RELN: variants seen among roughly 807,000 people sequenced by gnomAD.
RELN encodes reelin.
Under a neutral mutation model 427.6 loss-of-function variants are expected in RELN, and 108 were observed. The observed-to-expected ratio is 0.25, with a 90% CI of 0.22 to 0.30. The LOEUF (loss-of-function observed/expected upper bound fraction) is 0.30. Ranked by LOEUF, RELN falls within the 10% of genes least tolerant of loss-of-function variation. The pLI is 1.00. For synonymous variants in RELN, 1,524 were observed against 1,513.4 expected (o/e 1.01, Z -0.16); for missense variants, 3,715 against 4,302.8 (o/e 0.86, Z 3.82).
intron 49 of RELN, among the ~76,000 whole-genome samples, chr7:103,515,654 G>T (rs1291291644): frequency 1.3e-5 from 2 of 152,226 alleles, no homozygotes; most frequent in African/African-American, 4.8e-5. Flanking sequence ...AATGTGAACA[G>T]ATTCAAGTAT....
intron 3 of RELN, among the ~76,000 whole-genome samples, chr7:103,825,225 T>C (rs1169346940): frequency 1.3e-5 from 2 of 152,002 alleles, no homozygotes; most frequent in Non-Finnish European, 2.9e-5. Context: ...ATCTAAAATC[T>C]TGTAGCAGGG....
At chr7:103,903,275 T>G (rs541408715) in intron 2 of RELN, among the ~76,000 whole-genome samples, 14 of 100,290 alleles carry the variant, frequency 1.4e-4, no homozygotes, top group African/African-American at 5.4e-4. Flanking sequence ...TTCCTAAGTG[T>G]TTTTTTTTTT....
chr7:103,489,836 G>C lies in RELN; in HGVS notation c.9669C>G (p.Asp3223Glu), dbSNP rs1442238479. 1.9e-6 allele frequency: 3 copies of C among 1,614,070 alleles called. No homozygotes were observed. The highest frequency in any genetic ancestry group is 2.5e-6 in the Non-Finnish European group (3 of 1,180,054). ...GGCAAGCCTCTCCAATGTACACGTG[G>C]TCAATTGCCCAGCTTTGCTTCTCAG... ...EETEKQSWAI[D>E]HVYIGEACPK... Residue 3223 changes from aspartate to glutamate, a missense_variant, in exon 60 of 65, where the codon GAC becomes GAG. This residue lies in a region of RELN where 1,310 missense variants were observed against 1,643.0 expected (regional missense o/e 0.80). Transcript: ENST00000428762.
chr7:103,480,177 GTTAA>G (rs1183590109), intron 63 of RELN, among the ~76,000 whole-genome samples: 1 of 152,128 alleles, frequency 6.6e-6, no homozygotes, highest in Non-Finnish European at 1.5e-5. Flanking sequence ...CAAAAATGCA[GTTAA>G]TTAAGAGAAT....
chr7:103,675,524 T>C (rs1309477229), intron 11 of RELN, among the ~76,000 whole-genome samples: 1 of 152,120 alleles, frequency 6.6e-6, no homozygotes, highest in Non-Finnish European at 1.5e-5. Flanking sequence ...CTTCACAGAA[T>C]TGGAAAAAAC....
Position 103,523,412 on chromosome 7 carries a change from C to T in RELN, c.7469G>A (p.Arg2490Lys). ...GCIDMCSGHGRCIQGNCVCDE... is the reference protein window; with the variant it reads ...GCIDMCSGHGKCIQGNCVCDE... ...TTACACGCAGTTTCCCTGGATGCAT[C>T]TCCCATGGCCACTGCACATGTCTAT... The change falls in exon 47 of 65, where the codon AGA (arginine) becomes AAA (lysine). Residue 2490 changes from arginine to lysine, a missense_variant. Around this residue, in one of 4 missense-constraint regions of RELN, gnomAD observed 1,310 missense variants for 1,643.0 expected, o/e 0.80. Transcript: ENST00000428762. The T allele has an allele frequency of 2.5e-6, 4 of 1,614,162 alleles. No individual in the cohort carries two copies. The highest frequency in any genetic ancestry group is 3.4e-6 in the Non-Finnish European group (4 of 1,180,038).
At chr7:103,510,342 A>T (rs1829364534) in intron 51 of RELN, among the ~76,000 whole-genome samples, 1 of 152,236 alleles carries the variant, frequency 6.6e-6, no homozygotes, top group Non-Finnish European at 1.5e-5. Context: ...TTGCAGGGAC[A>T]TGGATGAAGC....
chr7:103,705,092 A>T (rs1324637403), intron 8 of RELN, among the ~76,000 whole-genome samples: 1 of 152,028 alleles, frequency 6.6e-6, no homozygotes, highest in Non-Finnish European at 1.5e-5. Context: ...TTACTCTCAA[A>T]TATTTTTATT....
chr7:103,700,839 T>TACCC, intron 9 of RELN, 71 bp downstream of exon 9: 3 of 926,282 alleles, frequency 3.2e-6, no homozygotes, highest in Middle Eastern at 4.4e-4. Context: ...TAGTGGTGGA[T>TACCC]TGAAGGCATA....
At chr7:103,686,561 T>C (rs1833768210) in intron 10 of RELN, among the ~76,000 whole-genome samples, 1 of 151,328 alleles carries the variant, frequency 6.6e-6, no homozygotes, top group Non-Finnish European at 1.5e-5. Context: ...TGAATAAAAT[T>C]AATTAAAATG....
intron 2 of RELN, among the ~76,000 whole-genome samples, chr7:103,887,362 T>G (rs991007280): frequency 6.6e-6 from 1 of 152,190 alleles, no homozygotes; most frequent in Non-Finnish European, 1.5e-5. Flanking sequence ...CGTCAAAGGA[T>G]GCAGAATGGA....
intron 28 of RELN, among the ~76,000 whole-genome samples, chr7:103,579,984 G>T (rs898994655): frequency 6.6e-6 from 1 of 152,166 alleles, no homozygotes; most frequent in Non-Finnish European, 1.5e-5. Flanking sequence ...TGCCTGGATG[G>T]GGATGTCTCT....
intron 3 of RELN, among the ~76,000 whole-genome samples, chr7:103,804,224 G>A (rs39327): frequency 0.23 from 34,215 of 151,960 alleles, 4,210 homozygotes; most frequent in Middle Eastern, 0.31. Context: ...TAAAAGTAAG[G>A]TTATTTCAAG....
Position 103,843,231 on chromosome 7 carries a change from G to T in RELN, c.338-9559C>A, listed in dbSNP as rs559838153. Among the ~76,000 whole-genome samples the T allele has an allele frequency of 1.3e-4, 20 of 151,880 alleles. No homozygotes were observed. The South Asian group carries it at 4.2e-3, about 32-fold the overall frequency. ...AAATTTTTTTTTTTTAGGAGACAGG[G>T]TCTTGCTCTGTCACCTAGGCTCAGG... On this transcript the variant is annotated intron_variant, in intron 2 of 64. Transcript: ENST00000428762.
chr7:103,733,914 C>T (rs1790425390), intron 6 of RELN, among the ~76,000 whole-genome samples: 1 of 142,308 alleles, frequency 7.0e-6, no homozygotes, highest in African/African-American at 2.6e-5. Flanking sequence ...ACAATGTGCA[C>T]ATGTACCCTA....
chr7:103,960,149 A>T (rs1446271157), intron 1 of RELN, among the ~76,000 whole-genome samples: 1 of 152,092 alleles, frequency 6.6e-6, no homozygotes, highest in African/African-American at 2.4e-5. Context: ...ACCCTTCAAA[A>T]TGTTCCCTTT....
intron 12 of RELN, among the ~76,000 whole-genome samples, chr7:103,654,513 G>A (rs1832986033): frequency 6.6e-6 from 1 of 152,014 alleles, no homozygotes; most frequent in Non-Finnish European, 1.5e-5. Context: ...AAAAAGATGT[G>A]TTCTGCTTTT....
chr7:103,509,606 A>G (rs1001151086), intron 51 of RELN, among the ~76,000 whole-genome samples: 2 of 152,226 alleles, frequency 1.3e-5, no homozygotes, highest in Admixed American at 6.5e-5. Context: ...CAAAGACTTA[A>G]TGACTAAAAC....
chr7:103,690,330 G>C (rs1018000586), intron 10 of RELN, among the ~76,000 whole-genome samples: 8 of 151,808 alleles, frequency 5.3e-5, no homozygotes, highest in African/African-American at 1.9e-4. Context: ...GTAAAACCAA[G>C]GCCATTCTCA....
Sources: allele counts gnomAD v4.1 joint callset (sites outside exome capture counted in the v4.1 genomes callset), GRCh38; gene constraint gnomAD v4.1.1; regional missense constraint gnomAD v4.1.1; transcripts MANE v1.5; gene names NCBI Gene and HGNC (gene_info 2026-07-23, HGNC 2026-07-21).